Variants in SLC25A48 observed in about 807,000 individuals in gnomAD.
SLC25A48 encodes solute carrier family 25 member 48, also known as CTC-321K16.1.
Under a neutral mutation model 32.2 loss-of-function variants are expected in SLC25A48, and 29 were observed. The ratio of observed to expected loss-of-function variants is 0.90; its 90% confidence interval spans 0.67 to 1.23. The LOEUF (loss-of-function observed/expected upper bound fraction) is 1.23, where lower values mean the gene tolerates loss of function less well. Ranked by LOEUF, SLC25A48 falls within the 50% of genes most tolerant of loss-of-function variation. SLC25A48 has a pLI of 0.00. For synonymous variants in SLC25A48, 164 were observed against 172.3 expected (o/e 0.95, Z 0.38); for missense variants, 399 against 422.7 (o/e 0.94, Z 0.49).
At chr5:135,670,109 T>C (rs1419764205) in intron 3 of SLC25A48, among the ~76,000 whole-genome samples, 2 of 152,170 alleles carry the variant, frequency 1.3e-5, no homozygotes, top group African/African-American at 4.8e-5. Context: ...TAGATAAGTT[T>C]TTCAAGTCAT....
At chr5:135,807,345 T>C (rs1006236038) in intron 3 of SLC25A48, among the ~76,000 whole-genome samples, 2 of 150,588 alleles carry the variant, frequency 1.3e-5, no homozygotes, top group Admixed American at 6.6e-5. Context: ...ATAAATATCA[T>C]ATCTTGTTAA....
chr5:135,686,135 C>G (rs1175091899), intron 3 of SLC25A48, among the ~76,000 whole-genome samples: 2 of 152,172 alleles, frequency 1.3e-5, no homozygotes, highest in African/African-American at 4.8e-5. Context: ...TTCTCATCAC[C>G]ACTTAACCAT....
chr5:135,709,221 T>G (rs1754594467), intron 3 of SLC25A48, among the ~76,000 whole-genome samples: 1 of 152,216 alleles, frequency 6.6e-6, no homozygotes, highest in Non-Finnish European at 1.5e-5. Context: ...TGCTGCCCAC[T>G]GAGTGGCAGA....
intron 1 of SLC25A48, among the ~76,000 whole-genome samples, chr5:135,627,511 T>A (rs1027738450): frequency 2.6e-5 from 4 of 152,156 alleles, no homozygotes; most frequent in African/African-American, 9.7e-5. Context: ...GCCTCCTCTT[T>A]CCCCGTGTGG....
At chr5:135,615,083 C>T (rs1752155792) in intron 1 of SLC25A48, among the ~76,000 whole-genome samples, 1 of 152,176 alleles carries the variant, frequency 6.6e-6, no homozygotes, top group Non-Finnish European at 1.5e-5. Flanking sequence ...ATAAATTACC[C>T]AGTCTCAGTT....
chr5:135,823,899 G>GAT (rs1757955761), intron 4 of SLC25A48, among the ~76,000 whole-genome samples: 1 of 152,216 alleles, frequency 6.6e-6, no homozygotes. Flanking sequence ...TCAAGAGAAG[G>GAT]CCTGTGTGGC....
intron 3 of SLC25A48, among the ~76,000 whole-genome samples, chr5:135,678,971 G>A (rs1461884061): frequency 6.6e-6 from 1 of 152,172 alleles, no homozygotes; most frequent in African/African-American, 2.4e-5. Flanking sequence ...GTGTACACTA[G>A]CACCGGTGTC....
chr5:135,699,749 G>T (rs1171881958), intron 3 of SLC25A48, among the ~76,000 whole-genome samples: 2 of 152,226 alleles, frequency 1.3e-5, no homozygotes, highest in Admixed American at 1.3e-4. Context: ...ACTGCCTAGT[G>T]AGGGTCTCAG....
rs1395970623 is a variant in SLC25A48 at position 135,852,758 on chromosome 5, C to A, written c.358C>A (p.Leu120Met). The A allele has an allele frequency of 6.2e-7, 1 of 1,613,916 alleles. No individual in the cohort carries two copies. The highest frequency in any genetic ancestry group is 2.2e-5 in the East Asian group (1 of 44,868). Residue 120 changes from leucine to methionine, a missense_variant, in exon 4 of 8, where the codon CTG (leucine) becomes ATG (methionine). By Grantham distance (15) the Leu-to-Met change is conservative. Coordinates refer to ENST00000681962, the MANE Select transcript of SLC25A48 (RefSeq NM_001349336.2). ...GGTGGCCGGCGTGGTCTCTGTCGGG[C>A]TGGGAGGGCCCGTGGACCTCATCAA... Reference protein sequence around the residue: ...SMVAGVVSVGLGGPVDLIKIR... With the variant: ...SMVAGVVSVGMGGPVDLIKIR...
intron 3 of SLC25A48, among the ~76,000 whole-genome samples, chr5:135,646,552 G>A (rs1473845823): frequency 1.3e-5 from 2 of 151,260 alleles, no homozygotes; most frequent in Non-Finnish European, 1.5e-5. Context: ...TTTTTGGAAG[G>A]ATTTAATGAT....
chr5:135,769,296 T>G, intron 3 of SLC25A48, among the ~76,000 whole-genome samples: 1 of 150,574 alleles, frequency 6.6e-6, no homozygotes, highest in Non-Finnish European at 1.5e-5. Flanking sequence ...GCATCACGGG[T>G]GGTGTACATT....
chr5:135,746,393 C>A, intron 3 of SLC25A48: 1 of 176,634 alleles, frequency 5.7e-6, no homozygotes, highest in South Asian at 1.1e-4. Flanking sequence ...TACAGCAGCT[C>A]GCTACAGTTT....
intron 3 of SLC25A48, among the ~76,000 whole-genome samples, chr5:135,778,201 C>T (rs575241828): frequency 1.3e-5 from 2 of 151,452 alleles, no homozygotes; most frequent in Non-Finnish European, 2.9e-5. Flanking sequence ...CTTCCAATAT[C>T]GCAGGGCGTG....
rs116623239 is a variant in SLC25A48 at position 135,760,168 on chromosome 5, C to T, written c.-520-52355C>T. ...TCATCTTGATGATTTCTCGCTCCTA[C>T]GGACCTCTTGTTATACACTTTATTA... On this transcript the variant is annotated intron_variant, in intron 3 of 10. Transcript: ENST00000646290. Among the ~76,000 whole-genome samples the T allele has an allele frequency of 5.1e-3, 778 of 152,268 alleles. 7 individuals carry two copies. Among genetic ancestry groups the T allele is most frequent in the African/African-American group, 0.018 (738 of 41,564 alleles).
At chr5:135,825,346 T>A (rs1561511467) in intron 4 of SLC25A48, among the ~76,000 whole-genome samples, 1 of 152,356 alleles carries the variant, frequency 6.6e-6, no homozygotes, top group East Asian at 1.9e-4. Flanking sequence ...ACCTGGGATT[T>A]GACCCGAAGC....
At chr5:135,771,222 G>A (rs1756401284) in intron 3 of SLC25A48, among the ~76,000 whole-genome samples, 1 of 151,498 alleles carries the variant, frequency 6.6e-6, no homozygotes, top group Non-Finnish European at 1.5e-5. Context: ...GGGGGGAGAA[G>A]GTGATATTAC....
chr5:135,807,990 C>T (rs185497824), intron 3 of SLC25A48, among the ~76,000 whole-genome samples: 324 of 149,932 alleles, frequency 2.2e-3, no homozygotes, highest in African/African-American at 7.6e-3. Context: ...ATGTAAATAT[C>T]ATACATATTT....
intron 3 of SLC25A48, among the ~76,000 whole-genome samples, chr5:135,696,657 T>C (rs1754273323): frequency 6.6e-6 from 1 of 152,184 alleles, no homozygotes; most frequent in Admixed American, 6.5e-5. Flanking sequence ...GGTTCTAACC[T>C]TGGAGGAGAC....
intron 4 of SLC25A48, among the ~76,000 whole-genome samples, chr5:135,816,011 AG>A (rs2126655424): frequency 6.6e-6 from 1 of 152,310 alleles, no homozygotes; most frequent in South Asian, 2.1e-4. Context: ...ATGGCTGGGG[AG>A]GCCTCAGGAA....
Sources: allele counts gnomAD v4.1 joint callset (sites outside exome capture counted in the v4.1 genomes callset), GRCh38; gene constraint gnomAD v4.1.1; transcripts MANE v1.5; gene names NCBI Gene and HGNC (gene_info 2026-07-23, HGNC 2026-07-21).